Variants in TMEM45A observed in about 807,000 individuals in gnomAD.
TMEM45A encodes transmembrane protein 45A.
In TMEM45A, 25 loss-of-function variants were observed where a neutral mutation model predicts 32.0. That is an observed-to-expected ratio of 0.78 (90% CI 0.57 to 1.09). The LOEUF (loss-of-function observed/expected upper bound fraction) is 1.09, where lower values mean the gene tolerates loss of function less well. Among genes scored for constraint, TMEM45A ranks in the 50% least tolerant of loss-of-function variants. The pLI is 0.00. For synonymous variants in TMEM45A, 122 were observed against 114.8 expected, an observed-to-expected ratio of 1.06 and a Z score of -0.40; for missense variants, 302 against 325.0, an observed-to-expected ratio of 0.93 and a Z score of 0.54.
intron 1 of TMEM45A, among the ~76,000 whole-genome samples, chr3:100,551,830 G>A (rs1032263871): frequency 6.6e-5 from 10 of 152,184 alleles, no homozygotes; most frequent in Non-Finnish European, 1.5e-4. Context: ...GAAGACACAG[G>A]AGTTGTATAA....
At chr3:100,554,188 T>C (rs1426487887) in intron 1 of TMEM45A, among the ~76,000 whole-genome samples, 1 of 151,998 alleles carries the variant, frequency 6.6e-6, no homozygotes, top group Admixed American at 6.6e-5. Context: ...TTTTTTTTTT[T>C]AATAGCAGGG....
chr3:100,495,484 T>A (rs1316520916), intron 1 of TMEM45A, among the ~76,000 whole-genome samples: 2 of 151,998 alleles, frequency 1.3e-5, no homozygotes, highest in African/African-American at 4.8e-5. Flanking sequence ...GGAGGAAAGT[T>A]TGGAAAGGTG....
chr3:100,502,967 T>C (rs1377796517), intron 1 of TMEM45A, among the ~76,000 whole-genome samples: 1 of 151,858 alleles, frequency 6.6e-6, no homozygotes, highest in East Asian at 1.9e-4. Context: ...CTTCTTCTCC[T>C]CCTTCTCCTT....
intron 5 of TMEM45A, among the ~76,000 whole-genome samples, chr3:100,575,363 C>CTCTTTTTTT (rs1706660425): frequency 4.8e-5 from 3 of 62,704 alleles, no homozygotes; most frequent in African/African-American, 1.6e-4. Flanking sequence ...TATGGATTCT[C>CTCTTTTTTT]TTTTTTTTTT....
At chr3:100,519,894 G>GCATTTTCTT (rs1342558534) in intron 1 of TMEM45A, among the ~76,000 whole-genome samples, 1 of 152,110 alleles carries the variant, frequency 6.6e-6, no homozygotes, top group African/African-American at 2.4e-5. Context: ...GATTTCTGTA[G>GCATTTTCTT]CATTTTCTTC....
At chr3:100,558,209 G>A (rs1234462252) in intron 3 of TMEM45A, among the ~76,000 whole-genome samples, 196 bp from the exon 4 acceptor site, 2 of 152,094 alleles carry the variant, frequency 1.3e-5, no homozygotes, top group Non-Finnish European at 2.9e-5. Context: ...GCAAAAAGAG[G>A]GTTCAATTTC....
chr3:100,570,435 G>C (rs577683769), intron 5 of TMEM45A, among the ~76,000 whole-genome samples: 51 of 152,212 alleles, frequency 3.4e-4, no homozygotes, highest in Admixed American at 7.2e-4. Flanking sequence ...CTGCAGGTCA[G>C]CCCACTTTGA....
At chr3:100,543,466 T>C (rs1252860118) in intron 1 of TMEM45A, among the ~76,000 whole-genome samples, 1 of 152,208 alleles carries the variant, frequency 6.6e-6, no homozygotes, top group Non-Finnish European at 1.5e-5. Context: ...TTTGCACTTT[T>C]AGTAGTGTAT....
In TMEM45A at chr3:100,576,824, G is replaced by T. The variant is rs1268479890; in HGVS notation, c.735-101G>T. 3.2e-6 allele frequency: 3 copies of T among 942,462 alleles called. No homozygotes were observed. In the African/African-American group the frequency reaches 5.0e-5, roughly 16 times the overall value. 58.4% of individuals were successfully genotyped at this position (942,462 alleles called of 1,614,324 possible). On this transcript the variant is annotated intron_variant, in intron 5 of 5. Coordinates refer to ENST00000323523, the MANE Select transcript of TMEM45A (RefSeq NM_018004.3). ...TTTCCTTTTTGGGTTGCCTTCCCCA[G>T]TTGCCCAAATAATCTAGACTTTGTG...
At chr3:100,500,633 C>T (rs369940264) in intron 1 of TMEM45A, among the ~76,000 whole-genome samples, 3 of 152,278 alleles carry the variant, frequency 2.0e-5, no homozygotes, top group South Asian at 2.1e-4. Context: ...AATCCTTTCC[C>T]GCATCCACCC....
chr3:100,576,375 G>A (rs1424783036), intron 5 of TMEM45A, among the ~76,000 whole-genome samples: 2 of 152,044 alleles, frequency 1.3e-5, no homozygotes, highest in Admixed American at 6.6e-5. Flanking sequence ...GCTTGAACCC[G>A]GGAAGCAGAG....
chr3:100,545,583 A>G (rs188631256), intron 1 of TMEM45A, among the ~76,000 whole-genome samples: 2 of 152,226 alleles, frequency 1.3e-5, no homozygotes, highest in East Asian at 1.9e-4. Context: ...AAATCCACTC[A>G]TTGCTCAAGG....
At chr3:100,536,918 G>C (rs1705752411) in intron 1 of TMEM45A, among the ~76,000 whole-genome samples, 1 of 152,142 alleles carries the variant, frequency 6.6e-6, no homozygotes, top group East Asian at 1.9e-4. Flanking sequence ...TAGGGGGAAG[G>C]AGGAAGTGGG....
At chr3:100,505,092 G>A (rs192339792) in intron 1 of TMEM45A, among the ~76,000 whole-genome samples, 3 of 152,194 alleles carry the variant, frequency 2.0e-5, no homozygotes, top group African/African-American at 7.2e-5. Flanking sequence ...TTGCTGGGGA[G>A]TGTGGCTACC....
intron 1 of TMEM45A, among the ~76,000 whole-genome samples, chr3:100,507,850 G>A (rs1708099092): frequency 6.6e-6 from 1 of 151,966 alleles, no homozygotes; most frequent in East Asian, 1.9e-4. Context: ...GAGAAAAATA[G>A]ATACAGAAGA....
intron 1 of TMEM45A, among the ~76,000 whole-genome samples, chr3:100,534,143 T>C (rs891337267): frequency 6.6e-6 from 1 of 152,234 alleles, no homozygotes; most frequent in African/African-American, 2.4e-5. Flanking sequence ...CTGTTGGCGA[T>C]TTAAAAATTT....
intron 1 of TMEM45A, among the ~76,000 whole-genome samples, chr3:100,517,757 G>A (rs1708287095): frequency 6.6e-6 from 1 of 152,212 alleles, no homozygotes; most frequent in Non-Finnish European, 1.5e-5. Context: ...TGTTTCTGGG[G>A]TTCTCTGTGC....
chr3:100,514,930 C>G (rs1708234992), intron 1 of TMEM45A, among the ~76,000 whole-genome samples: 1 of 149,250 alleles, frequency 6.7e-6, no homozygotes, highest in East Asian at 1.9e-4. Context: ...CAATGAGATA[C>G]CATCTCACAC....
At chr3:100,516,518 G>A (rs1708263823) in intron 1 of TMEM45A, among the ~76,000 whole-genome samples, 2 of 152,190 alleles carry the variant, frequency 1.3e-5, no homozygotes, top group South Asian at 4.1e-4. Context: ...AATGTCAAGA[G>A]AAGTTTACTT....
Sources: gnomAD v4.1 joint callset for allele counts (sites outside exome capture counted in the v4.1 genomes callset) on GRCh38, gnomAD v4.1.1 for gene constraint, MANE v1.5 for transcripts, NCBI Gene and HGNC (gene_info 2026-07-23, HGNC 2026-07-21) for gene names.